USP34: variants seen among roughly 807,000 people sequenced by gnomAD.
The protein encoded by USP34 is ubiquitin specific peptidase 34, also known as ubiquitin carboxyl-terminal hydrolase 34.
USP34 carries 70 observed loss-of-function variants against 460.3 expected under a neutral mutation model. The observed-to-expected ratio is 0.15, with a 90% CI of 0.13 to 0.19. The LOEUF is 0.19. Among genes scored for constraint, USP34 ranks in the 10% least tolerant of loss-of-function variants. The probability of loss-of-function intolerance (pLI) is 1.00; values close to 1 mark genes in which losing one functional copy is unlikely to be tolerated. For synonymous variants in USP34, 1,647 were observed against 1,405.3 expected, an observed-to-expected ratio of 1.17 and a Z score of -3.85; for missense variants, 3,985 against 4,236.2, an observed-to-expected ratio of 0.94 and a Z score of 1.65.
chr2:61,399,341 C>T (rs1398035470), intron 3 of USP34, among the ~76,000 whole-genome samples: 1 of 143,190 alleles, frequency 7.0e-6, no homozygotes, highest in Non-Finnish European at 1.5e-5. Context: ...AAAACTCCGT[C>T]TCAAAAAAAA....
At chr2:61,428,538 C>A (rs529837251) in intron 1 of USP34, among the ~76,000 whole-genome samples, 1 of 152,160 alleles carries the variant, frequency 6.6e-6, no homozygotes. Flanking sequence ...GAACACAACA[C>A]AACCTATAAA....
chr2:61,291,851 T>C (rs573004885), intron 33 of USP34, among the ~76,000 whole-genome samples: 4 of 152,270 alleles, frequency 2.6e-5, no homozygotes, highest in Non-Finnish European at 4.4e-5. Context: ...TGCTTCTCAA[T>C]TGGTGAATGG....
chr2:61,203,036 TA>T (rs1424710038), intron 75 of USP34, 103 bp downstream of exon 75: 4 of 1,276,618 alleles, frequency 3.1e-6, no homozygotes, highest in Non-Finnish European at 4.2e-6. Context: ...GCATTCACTT[TA>T]AAAAAAGAAA....
At chr2:61,373,507 T>A (rs1352589952) in intron 8 of USP34, among the ~76,000 whole-genome samples, 3 of 149,876 alleles carry the variant, frequency 2.0e-5, no homozygotes, top group Non-Finnish European at 4.4e-5. Flanking sequence ...GTTATACCAA[T>A]AACAAATAAA....
chr2:61,350,013 G>GT (rs1427821199), intron 12 of USP34, among the ~76,000 whole-genome samples: 2 of 150,808 alleles, frequency 1.3e-5, no homozygotes, highest in Non-Finnish European at 2.9e-5. Flanking sequence ...CAAAGCTTTT[G>GT]TTTAAAAAAA....
intron 20 of USP34, 46 bp from the exon 21 acceptor site, chr2:61,325,503 A>G: frequency 7.7e-7 from 1 of 1,298,626 alleles, no homozygotes; most frequent in Non-Finnish European, 1.0e-6. Context: ...CTATTTCTTA[A>G]TTACTTTTAA....
chr2:61,360,087 C>T (rs551069340), intron 10 of USP34, among the ~76,000 whole-genome samples: 1 of 151,882 alleles, frequency 6.6e-6, no homozygotes, highest in South Asian at 2.1e-4. Flanking sequence ...ATATAAAGCA[C>T]ACAAATAATA....
In USP34 at chr2:61,375,768, C is replaced by CAAAAAAA. The variant is rs56304309; in HGVS notation, c.1076+2588_1076+2594dup. 1.7e-3 allele frequency among the ~76,000 whole-genome samples: 141 copies of CAAAAAAA among 80,826 alleles called. 1 individual carries two copies. Among genetic ancestry groups the CAAAAAAA allele is most frequent in the African/African-American group, 5.6e-3 (130 of 23,160 alleles). The allele number at this position is 80,826 out of a possible 152,430, so 53.0% of individuals were successfully genotyped here. A position where few individuals can be genotyped will look rare whatever the true frequency, so the allele number is the denominator to read the frequency against. ...TGGGTGACAGACCAAGACTCTGTCT[C>CAAAAAAA]AAAAAAAAAAAAAAAAAAAAAAAAA... On this transcript the variant is annotated intron_variant, in intron 8 of 79. Transcript: ENST00000398571.
chr2:61,440,242 AC>A (rs1029485577), intron 1 of USP34, among the ~76,000 whole-genome samples: 1 of 151,972 alleles, frequency 6.6e-6, no homozygotes, highest in African/African-American at 2.4e-5. Context: ...CTGCCATCCC[AC>A]ACCTCAATTT....
rs747190254 is a variant in USP34 at position 61,206,833 on chromosome 2, A to G, written c.8973T>C (p.Thr2991=). 6 of 1,613,756 alleles carry G rather than the reference A, an allele frequency of 3.7e-6. No individual in the cohort carries two copies. The highest frequency in any genetic ancestry group is 3.3e-5 in the Admixed American group (2 of 59,990). ...MYHEATACHV[T]GDLVELLSIF... ...TTGACAGAAGTTCTACTAAATCTCC[A>G]GTCACATGGCAAGCTGTAGCTTCGT... The change falls in exon 71 of 80, where the codon ACT becomes ACC. Residue 2991 remains threonine (T), a synonymous_variant. Transcript: ENST00000398571.
At chr2:61,350,780 A>T in intron 10 of USP34, 87 bp from the exon 11 acceptor site, 2 of 1,428,808 alleles carry the variant, frequency 1.4e-6, no homozygotes, top group Non-Finnish European at 1.9e-6. Context: ...GAAAGTCAAA[A>T]AGTTGGCCAG....
chr2:61,395,573 C>A (rs915816440), intron 3 of USP34, among the ~76,000 whole-genome samples: 14 of 148,092 alleles, frequency 9.5e-5, no homozygotes, highest in South Asian at 8.6e-4. Flanking sequence ...CCGAGGCGGG[C>A]GGATCACGAG....
At chr2:61,324,114 A>C (rs942300808) in intron 21 of USP34, among the ~76,000 whole-genome samples, 1 of 152,230 alleles carries the variant, frequency 6.6e-6, no homozygotes, top group Admixed American at 6.5e-5. Flanking sequence ...CTTCTAAAAA[A>C]TAAGGTTTGA....
rs777989189 is a variant in USP34, at chr2:61,288,663, T to C, written c.4749+14A>G. On this transcript the variant is annotated intron_variant, in intron 34 of 79. Transcript: ENST00000398571. ...AATGGAATTCATCATTAAACATTAA[T>C]TTCTGCACTTTACCTCTGTTAATCG... 6.2e-7 allele frequency: 1 copy of C among 1,611,848 alleles called. No homozygotes were observed. The highest frequency in any genetic ancestry group is 8.5e-7 in the Non-Finnish European group (1 of 1,178,608).
At chr2:61,194,712 T>G (rs781733297) in intron 75 of USP34, among the ~76,000 whole-genome samples, 4 of 152,170 alleles carry the variant, frequency 2.6e-5, no homozygotes, top group Admixed American at 1.3e-4. Context: ...TCCCAACACT[T>G]TGGGAGGCCA....
rs1263398872 is a variant in USP34 at position 61,329,434 on chromosome 2, CAGTT to C, written c.2930+1838_2930+1841del. On this transcript the variant is annotated intron_variant, in intron 20 of 79. Transcript: ENST00000398571. Reference sequence around the variant, plus strand: ...AAAGAAGGATACTGACTTGGAATAACAGTTAGAATTTTAATATAATTTTAAAATA... The same window carrying C: ...AAAGAAGGATACTGACTTGGAATAACAGAATTTTAATATAATTTTAAAATA... Among the ~76,000 whole-genome samples the C allele has an allele frequency of 2.6e-5, 4 of 152,230 alleles. No homozygotes were observed. In the East Asian group the frequency reaches 5.8e-4, roughly 22 times the overall value.
intron 67 of USP34, 44 bp downstream of exon 67, chr2:61,220,266 A>T (rs767158180): frequency 6.4e-7 from 1 of 1,550,656 alleles, no homozygotes; most frequent in South Asian, 1.2e-5. Flanking sequence ...CATAACTTTG[A>T]ACAATAAATA....
chr2:61,236,271 G>A (rs376509267), intron 54 of USP34, 35 bp from the exon 55 acceptor site: 33 of 1,594,206 alleles, frequency 2.1e-5, no homozygotes, highest in African/African-American at 1.2e-4. Flanking sequence ...AAATTCACAC[G>A]TAAGATTTTT....
At chr2:61,351,955 A>G (rs1378634067) in intron 10 of USP34, among the ~76,000 whole-genome samples, 2 of 152,208 alleles carry the variant, frequency 1.3e-5, no homozygotes, top group Non-Finnish European at 2.9e-5. Flanking sequence ...TAATTTAAAT[A>G]TAGTATTAAA....
Sources: allele counts gnomAD v4.1 joint callset (sites outside exome capture counted in the v4.1 genomes callset), GRCh38; gene constraint gnomAD v4.1.1; transcripts MANE v1.5; gene names NCBI Gene and HGNC (gene_info 2026-07-23, HGNC 2026-07-21).